The following PFKFB3 variants were observed in gnomAD, a reference collection of about 807,000 sequenced individuals.
PFKFB3 encodes 6-phosphofructo-2-kinase/fructose-2,6-biphosphatase 3, also known as 6-phosphofructo-2-kinase/fructose-2,6-bisphosphatase 3.
PFKFB3 carries 33 observed loss-of-function variants against 68.0 expected under a neutral mutation model. The observed-to-expected ratio is 0.49, with a 90% CI of 0.37 to 0.65. PFKFB3 has a LOEUF of 0.65. PFKFB3 is among the 30% of genes least tolerant of loss of function. PFKFB3 has a pLI of 0.00. For missense variants in PFKFB3, 586 were observed against 712.2 expected, an observed-to-expected ratio of 0.82 and a Z score of 2.02; for synonymous variants, 315 against 288.2, an observed-to-expected ratio of 1.09 and a Z score of -0.94.
At chr10:6,279,285 T>A in the PFKFB3 span, among the ~76,000 whole-genome samples, 1 of 152,226 alleles carries the variant, frequency 6.6e-6, no homozygotes, top group Admixed American at 6.5e-5. Context: ...CAAGTCTTTC[T>A]TAGTGTTATT....
intron 6 of PFKFB3, among the ~76,000 whole-genome samples, chr10:6,218,905 C>A (rs751952847): frequency 1.3e-5 from 2 of 152,208 alleles, no homozygotes; most frequent in Admixed American, 6.5e-5. Flanking sequence ...CTCTCAGTGA[C>A]GGCAGTGGTT....
At chr10:6,183,191 C>G (rs1842767615) in intron 1 of PFKFB3, among the ~76,000 whole-genome samples, 1 of 152,164 alleles carries the variant, frequency 6.6e-6, no homozygotes, top group Non-Finnish European at 1.5e-5. Context: ...TCTTCATTCT[C>G]AAAAACAAAG....
rs916598278 is a variant in PFKFB3 at position 6,234,306 on chromosome 10, C to T, written c.*1364C>T. ...GCTGTGAGCCCTGAGATCCTCCTCC[C>T]AGCTCAAGGGACAGGTCCTGGGTGA... On this transcript the variant is annotated 3_prime_UTR_variant, in exon 15 of 15. Coordinates refer to ENST00000379775, the MANE Select transcript of PFKFB3 (RefSeq NM_004566.4). 1 of 152,328 alleles carries T rather than the reference C, an allele frequency of 6.6e-6. No individual in the cohort carries two copies. The highest frequency in any genetic ancestry group is 1.5e-5 in the Non-Finnish European group (1 of 68,048). The allele number at this position is 152,328 out of a possible 1,614,324, so 9.4% of individuals were successfully genotyped here.
At chr10:6,155,385 T>G (rs1487240792) in intron 1 of PFKFB3, among the ~76,000 whole-genome samples, 1 of 151,900 alleles carries the variant, frequency 6.6e-6, no homozygotes, top group Non-Finnish European at 1.5e-5. Flanking sequence ...TTTGTATTTT[T>G]CATAGAGACG....
At chr10:6,323,435 C>G in the PFKFB3 span, among the ~76,000 whole-genome samples, 3 of 152,198 alleles carry the variant, frequency 2.0e-5, no homozygotes, top group African/African-American at 7.2e-5. Flanking sequence ...GTGTCTTTGG[C>G]AGGTTCTGAA....
intron 1 of PFKFB3, among the ~76,000 whole-genome samples, chr10:6,159,387 T>C (rs957862851): frequency 2.0e-5 from 3 of 149,542 alleles, no homozygotes; most frequent in Non-Finnish European, 4.4e-5. Flanking sequence ...AGAGCGAGAC[T>C]CTGTCTTAAT....
At chr10:6,305,996 G>A in the PFKFB3 span, among the ~76,000 whole-genome samples, 1 of 151,994 alleles carries the variant, frequency 6.6e-6, no homozygotes, top group Non-Finnish European at 1.5e-5. Flanking sequence ...TTATTTTTTT[G>A]TTATTTACAT....
intron 1 of PFKFB3, among the ~76,000 whole-genome samples, chr10:6,157,417 G>A (rs867232016): frequency 2.5e-4 from 38 of 152,116 alleles, no homozygotes; most frequent in Middle Eastern, 3.4e-3. Flanking sequence ...TAGTAGAGGC[G>A]GGGTTTCACC....
chr10:6,299,776 A>G, the PFKFB3 span, among the ~76,000 whole-genome samples: 1 of 152,040 alleles, frequency 6.6e-6, no homozygotes, highest in Admixed American at 6.6e-5. Flanking sequence ...CTCAGCAGAG[A>G]TGGCACCCCC....
intron 1 of PFKFB3, among the ~76,000 whole-genome samples, chr10:6,177,454 T>C (rs1423907581): frequency 7.5e-6 from 1 of 134,038 alleles, no homozygotes; most frequent in African/African-American, 2.7e-5. Context: ...CTTTCTTTCT[T>C]TCTTTCTTTC....
intron 1 of PFKFB3, among the ~76,000 whole-genome samples, chr10:6,190,387 A>G (rs1842990319): frequency 6.6e-6 from 1 of 152,242 alleles, no homozygotes; most frequent in Non-Finnish European, 1.5e-5. Context: ...CTCTAAGGAA[A>G]AGCTTTCCCA....
intron 14 of PFKFB3, among the ~76,000 whole-genome samples, chr10:6,252,795 T>C (rs1463227734): frequency 6.6e-6 from 1 of 152,230 alleles, no homozygotes; most frequent in Admixed American, 6.5e-5. Context: ...TGCCAGTGCA[T>C]AGAAAAACAC....
the PFKFB3 span, among the ~76,000 whole-genome samples, chr10:6,302,600 C>T: frequency 1.5e-4 from 23 of 151,320 alleles, no homozygotes; most frequent in African/African-American, 4.6e-4. Context: ...AGGCTGGTCT[C>T]GAACTCTTGA....
chr10:6,261,439 A>G, the PFKFB3 span, among the ~76,000 whole-genome samples: 1 of 152,256 alleles, frequency 6.6e-6, no homozygotes, highest in Non-Finnish European at 1.5e-5. Context: ...AGAAAACCAA[A>G]TACTGCATGT....
the PFKFB3 span, among the ~76,000 whole-genome samples, chr10:6,277,481 G>A: frequency 2.0e-5 from 3 of 152,112 alleles, no homozygotes; most frequent in African/African-American, 4.8e-5. Context: ...TTGGCCTCCC[G>A]AAGTGCTGGG....
At chr10:6,149,478 C>G (rs1841505737) in intron 1 of PFKFB3, 1 of 150,420 alleles carries the variant, frequency 6.6e-6, no homozygotes, top group Non-Finnish European at 1.5e-5. Context: ...TTCCAGCTAC[C>G]TGGGGAGCTG....
chr10:6,197,192 G>T (rs1564611905), intron 1 of PFKFB3, among the ~76,000 whole-genome samples: 1 of 152,038 alleles, frequency 6.6e-6, no homozygotes, highest in Non-Finnish European at 1.5e-5. Flanking sequence ...GGTCAGGCTG[G>T]TCTCGAACTC....
chr10:6,238,477 CAAAAA>C (rs71390201), downstream of PFKFB3, among the ~76,000 whole-genome samples: 5 of 89,562 alleles, frequency 5.6e-5, no homozygotes, highest in African/African-American at 2.8e-4. Context: ...GGTGCCATCT[CAAAAA>C]AAAAAAAAAA....
chr10:6,276,846 G>GTGTGTA, the PFKFB3 span, among the ~76,000 whole-genome samples: 10 of 151,296 alleles, frequency 6.6e-5, no homozygotes, highest in Non-Finnish European at 1.5e-4. Context: ...ATTTGTGTGT[G>GTGTGTA]TGTGTGTGTG....
Sources: gnomAD v4.1 joint callset for allele counts (sites outside exome capture counted in the v4.1 genomes callset) on GRCh38, gnomAD v4.1.1 for gene constraint, MANE v1.5 for transcripts, NCBI Gene and HGNC (gene_info 2026-07-23, HGNC 2026-07-21) for gene names.